The following SLCO1A2 variants were observed in gnomAD, a reference collection of about 807,000 sequenced individuals.
The protein encoded by SLCO1A2 is solute carrier organic anion transporter family member 1A2, also known as OATP-1.
In SLCO1A2, 67 loss-of-function variants were observed where a neutral mutation model predicts 69.0. The ratio of observed to expected loss-of-function variants is 0.97; its 90% CI spans 0.80 to 1.19. The LOEUF (loss-of-function observed/expected upper bound fraction) is 1.19, where lower values mean the gene tolerates loss of function less well. Ranked by LOEUF, SLCO1A2 falls within the 50% of genes most tolerant of loss-of-function variation. The pLI is 0.00. For missense variants in SLCO1A2, 787 were observed against 793.7 expected (o/e 0.99, Z 0.10); for synonymous variants, 260 against 265.9 (o/e 0.98, Z 0.22).
intron 2 of SLCO1A2, among the ~76,000 whole-genome samples, chr12:21,355,178 A>G (rs1477890569): frequency 8.5e-5 from 13 of 152,174 alleles, no homozygotes; most frequent in Admixed American, 8.5e-4. Context: ...AGAAGACCAG[A>G]GCCACTAAAT....
intron 8 of SLCO1A2, among the ~76,000 whole-genome samples, chr12:21,299,221 C>G (rs900964491): frequency 1.3e-5 from 2 of 152,094 alleles, no homozygotes; most frequent in Non-Finnish European, 2.9e-5. Flanking sequence ...AGGCATCAAT[C>G]ATTTTTAAAA....
chr12:21,301,107 T>C, intron 7 of SLCO1A2, 64 bp downstream of exon 7: 1 of 996,236 alleles, frequency 1.0e-6, no homozygotes, highest in Non-Finnish European at 1.5e-6. Context: ...TGATTATATA[T>C]GATAACATAC....
At chr12:21,304,318 A>ACTCTACT in intron 6 of SLCO1A2, 109 bp downstream of exon 6, 1 of 846,774 alleles carries the variant, frequency 1.2e-6, no homozygotes, top group Middle Eastern at 3.7e-4. Flanking sequence ...GTGCCAAGAT[A>ACTCTACT]CTCTACTCAT....
intron 1 of SLCO1A2, among the ~76,000 whole-genome samples, chr12:21,400,941 T>C (rs1008094421): frequency 6.8e-6 from 1 of 147,830 alleles, no homozygotes; most frequent in Non-Finnish European, 1.5e-5. Context: ...GACAAGTTAG[T>C]GGGTGCAGCT....
At chr12:21,307,027 G>T in intron 4 of SLCO1A2, 39 bp from the exon 5 acceptor site, 2 of 1,403,108 alleles carry the variant, frequency 1.4e-6, no homozygotes, top group Non-Finnish European at 2.0e-6. Flanking sequence ...TTTTAAGAAA[G>T]TAATGAGGAC....
At chr12:21,369,167 A>C (rs1209017712) in intron 2 of SLCO1A2, among the ~76,000 whole-genome samples, 2 of 152,228 alleles carry the variant, frequency 1.3e-5, no homozygotes, top group Admixed American at 1.3e-4. Flanking sequence ...TTTACTTTTA[A>C]AATGTGATAG....
intron 3 of SLCO1A2, among the ~76,000 whole-genome samples, chr12:21,316,409 C>T (rs1950868477): frequency 2.0e-5 from 3 of 152,148 alleles, no homozygotes. Context: ...CCTATCGTCG[C>T]TCCTACCTTC....
chr12:21,311,404 C>T (rs1950129823), intron 4 of SLCO1A2, among the ~76,000 whole-genome samples: 1 of 151,938 alleles, frequency 6.6e-6, no homozygotes, highest in South Asian at 2.1e-4. Flanking sequence ...TTACTTAGAT[C>T]CATCAGAAGA....
At chr12:21,362,121 A>G (rs934014967) in intron 2 of SLCO1A2, among the ~76,000 whole-genome samples, 1 of 152,206 alleles carries the variant, frequency 6.6e-6, no homozygotes, top group African/African-American at 2.4e-5. Flanking sequence ...AAATGAAGGA[A>G]AAAATGTTAA....
At chr12:21,390,448 G>A (rs1274707855) in intron 1 of SLCO1A2, among the ~76,000 whole-genome samples, 2 of 152,110 alleles carry the variant, frequency 1.3e-5, no homozygotes, top group Non-Finnish European at 2.9e-5. Flanking sequence ...ATGATGATAA[G>A]GTTTGTAAAA....
chr12:21,366,668 G>A (rs1371735040), intron 2 of SLCO1A2, among the ~76,000 whole-genome samples: 2 of 151,988 alleles, frequency 1.3e-5, no homozygotes. Context: ...AGAGAAAGCT[G>A]TAAATAGCAT....
At chr12:21,400,848 AG>A (rs71043270) in intron 1 of SLCO1A2, among the ~76,000 whole-genome samples, 13,820 of 129,206 alleles carry the variant, frequency 0.11, 813 homozygotes, top group East Asian at 0.37. Flanking sequence ...GGACACAGGA[AG>A]GGGAATATCA....
chr12:21,283,719 T>C (rs1229731616), intron 12 of SLCO1A2, among the ~76,000 whole-genome samples: 1 of 152,044 alleles, frequency 6.6e-6, no homozygotes, highest in Non-Finnish European at 1.5e-5. Context: ...AACAACTCTA[T>C]AGAAAAAAAA....
At chr12:21,412,106 C>T (rs921012646) in intron 1 of SLCO1A2, among the ~76,000 whole-genome samples, 4 of 152,108 alleles carry the variant, frequency 2.6e-5, no homozygotes, top group Admixed American at 1.3e-4. Context: ...GAAGACTGGG[C>T]GCGGTGGCTT....
At chr12:21,392,078 C>T (rs17681288) in intron 1 of SLCO1A2, among the ~76,000 whole-genome samples, 5,035 of 152,270 alleles carry the variant, frequency 0.033, 130 homozygotes, top group Non-Finnish European at 0.049. Context: ...GACTCTTTCT[C>T]TTAAGGCCAC....
At chr12:21,396,711 T>C (rs570675027), upstream of SLCO1A2, among the ~76,000 whole-genome samples, 16 of 152,086 alleles carry the variant, frequency 1.1e-4, no homozygotes, top group Middle Eastern at 3.2e-3. Flanking sequence ...GAGTGGGGGC[T>C]AATATTCAAA....
rs772867694 is a variant in SLCO1A2, at chr12:21,318,845, T to C, written c.139A>G (p.Ile47Val). ...GSYMNSMLTQIERQFNIPTSL... is the reference protein window; with the variant it reads ...GSYMNSMLTQVERQFNIPTSL... ...GTTGGGATGTTGAATTGTCTCTCTATTTGTGTGAGCATGGAATTCATATAA... is the reference window on the plus strand; with the variant it reads ...GTTGGGATGTTGAATTGTCTCTCTACTTGTGTGAGCATGGAATTCATATAA... Residue 47 changes from isoleucine (I) to valine (V), a missense_variant, in exon 3 of 15, where the codon ATA (isoleucine) becomes GTA (valine). By Grantham distance (29) the Ile-to-Val change is conservative (BLOSUM62 3). Coordinates refer to ENST00000683939, the MANE Select transcript of SLCO1A2 (RefSeq NM_001386879.1). The C allele has an allele frequency of 1.2e-6, 2 of 1,611,678 alleles. No individual in the cohort carries two copies. The highest frequency in any genetic ancestry group is 1.7e-6 in the Non-Finnish European group (2 of 1,178,616).
At chr12:21,363,247 A>G (rs1398629722) in intron 2 of SLCO1A2, among the ~76,000 whole-genome samples, 1 of 152,156 alleles carries the variant, frequency 6.6e-6, no homozygotes, top group African/African-American at 2.4e-5. Flanking sequence ...AAACTCACTC[A>G]AAACCGCTCA....
chr12:21,299,869 TG>T (rs1948420917), intron 8 of SLCO1A2, among the ~76,000 whole-genome samples: 1 of 108,370 alleles, frequency 9.2e-6, no homozygotes, highest in African/African-American at 3.3e-5. Flanking sequence ...TATATATACG[TG>T]TGTGTATATA....
Sources: allele counts gnomAD v4.1 joint callset (sites outside exome capture counted in the v4.1 genomes callset), GRCh38; gene constraint gnomAD v4.1.1; transcripts MANE v1.5; gene names NCBI Gene and HGNC (gene_info 2026-07-23, HGNC 2026-07-21).